Variants in CACNA1S observed in about 807,000 individuals in gnomAD.
The protein encoded by CACNA1S is calcium voltage-gated channel subunit alpha1 S, also known as voltage-dependent L-type calcium channel subunit alpha-1S.
In CACNA1S, 126 loss-of-function variants were observed where a neutral mutation model predicts 207.4. That is an observed-to-expected ratio of 0.61 (90% confidence interval 0.53 to 0.70). The LOEUF (loss-of-function observed/expected upper bound fraction) is 0.70. Among genes scored for constraint, CACNA1S ranks in the 30% least tolerant of loss-of-function variants. CACNA1S has a pLI of 0.00. For missense variants in CACNA1S, 2,349 were observed against 2,422.8 expected, an observed-to-expected ratio of 0.97 and a Z score of 0.64; for synonymous variants, 960 against 932.7, an observed-to-expected ratio of 1.03 and a Z score of -0.53.
In CACNA1S at chr1:201,083,150, G is replaced by GT; in HGVS notation, c.1393+11dup. The GT allele has an allele frequency of 6.2e-7, 1 of 1,612,170 alleles. No individual in the cohort carries two copies. The highest frequency in any genetic ancestry group is 8.5e-7 in the Non-Finnish European group (1 of 1,179,788). ...TGTGCCCTCCTCCCGGCTTCACTCC[G>GT]TTCCGCCTCACCTTGCAAACGGGTC... On this transcript the variant is annotated intron_variant, in intron 10 of 43. Transcript: ENST00000362061.
At chr1:201,073,731 C>G in intron 14 of CACNA1S, 89 bp from the exon 15 acceptor site, 3 of 1,028,946 alleles carry the variant, frequency 2.9e-6, no homozygotes, top group Non-Finnish European at 3.1e-6. Flanking sequence ...GATCCCACAC[C>G]AAGGGCTCCA....
intron 19 of CACNA1S, among the ~76,000 whole-genome samples, chr1:201,067,540 C>G (rs1170327079): frequency 6.6e-6 from 1 of 152,188 alleles, no homozygotes; most frequent in Non-Finnish European, 1.5e-5. Context: ...TAAAATCGAA[C>G]AGGGTTGAAA....
rs77305310 is a variant in CACNA1S, at chr1:201,067,069, G to A, written c.2551-76C>T. 2,287 of 963,108 alleles carry A rather than the reference G, an allele frequency of 2.4e-3. 31 individuals carry two copies. The African/African-American group carries it at 0.031, about 13-fold the overall frequency. The allele number at this position is 963,108 out of a possible 1,614,324, so 59.7% of individuals were successfully genotyped here. A position where few individuals can be genotyped will look rare whatever the true frequency, so the allele number is the denominator to read the frequency against. The stretch of plus-strand genomic sequence containing the variant: ...TGTCTCCCACAGACAAGGGCTTCTC[G>A]CCTCTGCTCAGGAGAGCACTTACTG... On this transcript the variant is annotated intron_variant, in intron 19 of 43. Coordinates refer to ENST00000362061, the MANE Select transcript of CACNA1S (RefSeq NM_000069.3).
At chr1:201,049,767 T>C (rs1413420485) in intron 34 of CACNA1S, among the ~76,000 whole-genome samples, 1 of 152,176 alleles carries the variant, frequency 6.6e-6, no homozygotes, top group East Asian at 1.9e-4. Flanking sequence ...CTCCTGCTGA[T>C]GGAGGCACTT....
chr1:201,101,066 A>G (rs1662642137), intron 2 of CACNA1S, among the ~76,000 whole-genome samples: 1 of 152,070 alleles, frequency 6.6e-6, no homozygotes. Context: ...ATGTCCTTTT[A>G]AATGTGATGT....
At chr1:201,068,733 G>C (rs986257820) in intron 19 of CACNA1S, among the ~76,000 whole-genome samples, 3 of 151,924 alleles carry the variant, frequency 2.0e-5, no homozygotes, top group Non-Finnish European at 4.4e-5. Context: ...TTAGCTGGGT[G>C]TGGTGGCAGA....
intron 28 of CACNA1S, among the ~76,000 whole-genome samples, chr1:201,058,118 C>T (rs879370281): frequency 2.0e-5 from 3 of 152,230 alleles, no homozygotes; most frequent in Non-Finnish European, 4.4e-5. Flanking sequence ...GGCACCACCT[C>T]CATGAAGCCT....
chr1:201,056,137 G>A (rs898263880), intron 28 of CACNA1S, among the ~76,000 whole-genome samples: 2 of 149,418 alleles, frequency 1.3e-5, no homozygotes, highest in Non-Finnish European at 3.0e-5. Flanking sequence ...CCTGCCCCTC[G>A]CTAGCTCAGC....
intron 2 of CACNA1S, among the ~76,000 whole-genome samples, chr1:201,100,943 T>G (rs1057266978): frequency 1.3e-5 from 2 of 152,188 alleles, no homozygotes; most frequent in Non-Finnish European, 2.9e-5. Context: ...TACAAAGGGC[T>G]AACGCAGTAA....
intron 32 of CACNA1S, 104 bp from the exon 33 acceptor site, chr1:201,051,247 G>T: frequency 9.0e-7 from 1 of 1,114,476 alleles, no homozygotes; most frequent in Non-Finnish European, 1.4e-6. Flanking sequence ...GCAAACTGGG[G>T]CTGTTGTCCA....
At chr1:201,060,837 C>T (rs1484564885) in intron 25 of CACNA1S, 21 bp from the exon 26 acceptor site, 3 of 1,613,952 alleles carry the variant, frequency 1.9e-6, no homozygotes, top group African/African-American at 1.3e-5. Flanking sequence ...TACAACAGGA[C>T]AGGTCAGCAC....
rs372744846 is a variant in CACNA1S, at chr1:201,084,757, A to G, written c.1232+193T>C. ...TCATCTGCTCAGGACCCCTCTGATC[A>G]CACATTCCCCGAGGATCTGGTCCCT... On this transcript the variant is annotated intron_variant, in intron 9 of 43. Coordinates refer to ENST00000362061, the MANE Select transcript of CACNA1S (RefSeq NM_000069.3). Among the ~76,000 whole-genome samples the G allele has an allele frequency of 7.9e-5, 12 of 152,274 alleles. No individual in the cohort carries two copies. In the South Asian group the frequency reaches 2.3e-3, roughly 29 times the overall value.
chr1:201,050,107 T>C (rs914131247), intron 34 of CACNA1S, among the ~76,000 whole-genome samples: 1 of 152,030 alleles, frequency 6.6e-6, no homozygotes, highest in African/African-American at 2.4e-5. Context: ...TGATTTGGGG[T>C]CTAGAGTGTC....
Position 201,039,895 on chromosome 1 carries a change from G to C in CACNA1S, c.5558C>G (p.Ser1853Cys). ...GTGTTGGTCGAGGCTGCCCAGGGAGGACCCGAGGTTCAGGCATCCCAGGGA... is the reference window on the plus strand; with the variant it reads ...GTGTTGGTCGAGGCTGCCCAGGGAGCACCCGAGGTTCAGGCATCCCAGGGA... Reference protein sequence around the residue: ...ASSLGCLNLGSSLGSLDQHQG... With the variant: ...ASSLGCLNLGCSLGSLDQHQG... The change falls in exon 44 of 44, where the codon TCC (serine) becomes TGC (cysteine). Residue 1853 changes from serine (S) to cysteine (C), a missense_variant. By Grantham distance (112) the Ser-to-Cys change is moderately radical (BLOSUM62 -1). Coordinates refer to ENST00000362061, the MANE Select transcript of CACNA1S (RefSeq NM_000069.3). 1.2e-6 allele frequency: 2 copies of C among 1,613,192 alleles called. No homozygotes were observed. The highest frequency in any genetic ancestry group is 2.2e-5 in the South Asian group (2 of 91,084).
In CACNA1S at chr1:201,039,553, T is replaced by G; in HGVS notation, c.*278A>C. 1 of 538,990 alleles carries G rather than the reference T, an allele frequency of 1.9e-6. No homozygotes were observed. The highest frequency in any genetic ancestry group is 2.1e-5 in the South Asian group (1 of 47,400). 33.4% of individuals were successfully genotyped at this position (538,990 alleles called of 1,614,324 possible). A position where few individuals can be genotyped will look rare whatever the true frequency, so the allele number is the denominator to read the frequency against. ...CCTGGAGATTTTAATGTCCTGCAGG[T>G]GGGAGTGGCCCTAGGCCAGACAGGC... is the stretch of plus-strand genomic sequence containing the variant. On this transcript the variant is annotated 3_prime_UTR_variant, in exon 44 of 44. Coordinates refer to ENST00000362061, the MANE Select transcript of CACNA1S (RefSeq NM_000069.3).
intron 2 of CACNA1S, among the ~76,000 whole-genome samples, chr1:201,105,754 G>A (rs1354704449): frequency 6.6e-6 from 1 of 152,258 alleles, no homozygotes; most frequent in East Asian, 1.9e-4. Context: ...TGTACCTCTA[G>A]CCCCAGGAAA....
Position 201,075,590 on chromosome 1 carries a change from G to A in CACNA1S, c.1853C>T (p.Ser618Leu), listed in dbSNP as rs759709552. 2.5e-6 allele frequency: 4 copies of A among 1,614,162 alleles called. No individual in the cohort carries two copies. Among genetic ancestry groups the A allele is most frequent in the Non-Finnish European group, 3.4e-6 (4 of 1,179,994 alleles). The stretch of plus-strand genomic sequence containing the variant: ...GGCCATGATCCCATTGTACATCATT[G>A]AGGTCCAGTCTTCCCCTGTCAGTAC... The part of the protein sequence containing the change: ...FQVLTGEDWT[S>L]MMYNGIMAYG... Residue 618 changes from serine (S) to leucine (L), a missense_variant, in exon 13 of 44, where the codon TCA becomes TTA. Transcript: ENST00000362061.
intron 10 of CACNA1S, among the ~76,000 whole-genome samples, chr1:201,082,186 G>A (rs1265469826): frequency 6.6e-6 from 1 of 151,992 alleles, no homozygotes; most frequent in Non-Finnish European, 1.5e-5. Flanking sequence ...ATGCCACCAC[G>A]CCCAGCTAAT....
intron 2 of CACNA1S, among the ~76,000 whole-genome samples, chr1:201,098,535 C>T (rs973533255): frequency 6.6e-6 from 1 of 152,196 alleles, no homozygotes; most frequent in African/African-American, 2.4e-5. Context: ...GTGGTCTTTC[C>T]CTACAGATCA....
Sources: allele counts gnomAD v4.1 joint callset (sites outside exome capture counted in the v4.1 genomes callset), GRCh38; gene constraint gnomAD v4.1.1; transcripts MANE v1.5; gene names NCBI Gene and HGNC (gene_info 2026-07-23, HGNC 2026-07-21).